Variants in CNTN6 observed in about 807,000 individuals in gnomAD.
CNTN6 encodes the protein contactin-6.
CNTN6 carries 137 observed loss-of-function variants against 122.8 expected under a neutral mutation model. The observed-to-expected ratio is 1.12, with a 90% confidence interval of 0.97 to 1.29. The LOEUF is 1.29. CNTN6 is among the 50% of genes most tolerant of loss of function. The pLI, the probability that CNTN6 is intolerant of heterozygous loss-of-function variation, is 0.00. For synonymous variants in CNTN6, 570 were observed against 426.0 expected (o/e 1.34, Z -4.16); for missense variants, 1,634 against 1,223.4 (o/e 1.34, Z -5.01).
intron 2 of CNTN6, among the ~76,000 whole-genome samples, chr3:1,192,489 G>A (rs1001655205): frequency 1.3e-5 from 2 of 152,114 alleles, no homozygotes; most frequent in Non-Finnish European, 2.9e-5. Flanking sequence ...GTAGGCAAAG[G>A]TGCCTCATTT....
At chr3:1,338,432 G>A (rs995571698) in intron 11 of CNTN6, among the ~76,000 whole-genome samples, 1 of 152,104 alleles carries the variant, frequency 6.6e-6, no homozygotes, top group Non-Finnish European at 1.5e-5. Flanking sequence ...TTCAAGAGAG[G>A]CTGAAGTTGT....
chr3:1,264,916 A>T (rs2094903178), intron 4 of CNTN6, among the ~76,000 whole-genome samples: 2 of 151,944 alleles, frequency 1.3e-5, no homozygotes, highest in Non-Finnish European at 2.9e-5. Context: ...CTCTACTTAC[A>T]TGAATTTAAC....
intron 2 of CNTN6, among the ~76,000 whole-genome samples, chr3:1,180,217 G>C (rs1029766447): frequency 6.6e-6 from 1 of 152,170 alleles, no homozygotes. Context: ...AGGAGAAAGA[G>C]AGAGAGAGAC....
intron 17 of CNTN6, among the ~76,000 whole-genome samples, chr3:1,381,622 C>G (rs114457800): frequency 6.6e-6 from 1 of 152,150 alleles, no homozygotes; most frequent in African/African-American, 2.4e-5. Context: ...CTTGAATAGT[C>G]TCTCATGCTT....
intron 5 of CNTN6, among the ~76,000 whole-genome samples, chr3:1,289,522 A>T (rs564148239): frequency 6.6e-6 from 1 of 152,290 alleles, no homozygotes; most frequent in East Asian, 1.9e-4. Flanking sequence ...ATGAATGTAT[A>T]AACTAAGAGA....
chr3:1,385,449 A>G (rs1051891652), intron 19 of CNTN6, among the ~76,000 whole-genome samples, 162 bp from the exon 20 acceptor site: 1 of 152,134 alleles, frequency 6.6e-6, no homozygotes, highest in African/African-American at 2.4e-5. Context: ...GAGAATAACA[A>G]TTTTGTTGTT....
At chr3:1,335,686 A>G (rs1204232375) in intron 11 of CNTN6, among the ~76,000 whole-genome samples, 1 of 152,182 alleles carries the variant, frequency 6.6e-6, no homozygotes, top group African/African-American at 2.4e-5. Flanking sequence ...ATAAAAACAA[A>G]GAGATGGAGA....
chr3:1,178,703 G>C (rs1398030571), intron 2 of CNTN6, among the ~76,000 whole-genome samples: 1 of 152,118 alleles, frequency 6.6e-6, no homozygotes, highest in Non-Finnish European at 1.5e-5. Context: ...CTAAGAATAG[G>C]CATGTTTTTA....
At chr3:1,179,954 C>G (rs1416592266) in intron 2 of CNTN6, among the ~76,000 whole-genome samples, 1 of 152,192 alleles carries the variant, frequency 6.6e-6, no homozygotes, top group East Asian at 1.9e-4. Flanking sequence ...AGCTTACCCT[C>G]TCTCCCCATA....
chr3:1,308,510 C>T (rs12494005), intron 7 of CNTN6, among the ~76,000 whole-genome samples: 31,434 of 151,746 alleles, frequency 0.21, 4,374 homozygotes, highest in East Asian at 0.53. Flanking sequence ...TTTATTTAGG[C>T]GCTCTCAGAT....
At chr3:1,286,669 T>C (rs1694399357) in intron 5 of CNTN6, among the ~76,000 whole-genome samples, 2 of 152,146 alleles carry the variant, frequency 1.3e-5, no homozygotes, top group Non-Finnish European at 2.9e-5. Context: ...TCCAAGTCTT[T>C]GCTATTTCAA....
chr3:1,178,339 A>C (rs1011218573), intron 2 of CNTN6, among the ~76,000 whole-genome samples: 1 of 152,006 alleles, frequency 6.6e-6, no homozygotes, highest in Non-Finnish European at 1.5e-5. Context: ...AAGTCTACCA[A>C]ATCTTTCCTT....
chr3:1,240,025 A>C (rs2094463242), intron 4 of CNTN6, among the ~76,000 whole-genome samples: 1 of 152,208 alleles, frequency 6.6e-6, no homozygotes, highest in African/African-American at 2.4e-5. Flanking sequence ...AATCAACTCA[A>C]GATATATCAA....
intron 7 of CNTN6, among the ~76,000 whole-genome samples, chr3:1,314,877 C>A (rs1428494721): frequency 6.6e-6 from 1 of 151,944 alleles, no homozygotes; most frequent in Non-Finnish European, 1.5e-5. Flanking sequence ...TAAGAAAAGG[C>A]TTTTGCAATG....
rs576794551 is a variant in CNTN6, at chr3:1,386,732, T to TAAC, written c.2704+938_2704+940dup. ...TCTCTGAATCCTGATGAATGAAAGA[T>TAAC]AACAAATATAGTTGCTGAATTTTGA... On this transcript the variant is annotated intron_variant, in intron 20 of 22. Coordinates refer to ENST00000446702, the MANE Select transcript of CNTN6 (RefSeq NM_001289080.2). 5.4e-3 allele frequency among the ~76,000 whole-genome samples: 826 copies of TAAC among 152,212 alleles called. 9 individuals carry two copies. Among genetic ancestry groups the TAAC allele is most frequent in the African/African-American group, 0.019 (777 of 41,502 alleles).
chr3:1,354,392 T>G (rs572614904), intron 12 of CNTN6, among the ~76,000 whole-genome samples: 2 of 151,056 alleles, frequency 1.3e-5, no homozygotes, highest in Admixed American at 6.6e-5. Context: ...AAAGCCTGAC[T>G]TACATTTTTG....
intron 1 of CNTN6, among the ~76,000 whole-genome samples, chr3:1,098,494 A>G (rs1372009140): frequency 4.6e-5 from 7 of 151,566 alleles, no homozygotes; most frequent in Non-Finnish European, 7.4e-5. Flanking sequence ...AGAAAACAAT[A>G]AAATAAAAAA....
chr3:1,180,720 G>C (rs1256004186), intron 2 of CNTN6, among the ~76,000 whole-genome samples: 1 of 152,174 alleles, frequency 6.6e-6, no homozygotes, highest in Non-Finnish European at 1.5e-5. Flanking sequence ...GATTGTATGA[G>C]AGGTTTGGGA....
rs1452870148 is a variant in CNTN6, at chr3:1,401,494, C to T, written c.2766C>T (p.Asn922=). Residue 922 remains asparagine (N), a synonymous_variant, in exon 21 of 23, where the codon AAC becomes AAT. Coordinates refer to ENST00000446702, the MANE Select transcript of CNTN6 (RefSeq NM_001289080.2). ...TGACAAACTCTAAATTATGCTTGAA[C>T]TGGGAGCATGTAAAAACCATGGAAA... ...WKLTNSKLCL[N]WEHVKTMENE... is the part of the protein sequence containing the mutation. 2.5e-6 allele frequency: 4 copies of T among 1,611,910 alleles called. No individual in the cohort carries two copies. The highest frequency in any genetic ancestry group is 2.5e-6 in the Non-Finnish European group (3 of 1,178,660).
Sources: gnomAD v4.1 joint callset for allele counts (sites outside exome capture counted in the v4.1 genomes callset) on GRCh38, gnomAD v4.1.1 for gene constraint, MANE v1.5 for transcripts, NCBI Gene and HGNC (gene_info 2026-07-23, HGNC 2026-07-21) for gene names.